Variants in GBP4 observed in about 807,000 individuals in gnomAD.
GBP4 encodes the protein guanylate-binding protein 4.
GBP4 carries 69 observed loss-of-function variants against 62.2 expected under a neutral mutation model. That is an observed-to-expected ratio of 1.11 (90% CI 0.91 to 1.36). The LOEUF (loss-of-function observed/expected upper bound fraction) is 1.36. Among genes scored for constraint, GBP4 ranks in the 40% most tolerant of loss-of-function variants. The pLI, the probability that GBP4 is intolerant of heterozygous loss-of-function variation, is 0.00. For synonymous variants in GBP4, 278 were observed against 274.6 expected (o/e 1.01, Z -0.12); for missense variants, 697 against 759.3 (o/e 0.92, Z 0.96).
At position 89,184,173 on chromosome 1, in the gene GBP4, G is replaced by A. The variant is rs1415882669; in HGVS notation, c.*1081C>T. On this transcript the variant is annotated 3_prime_UTR_variant, in exon 11 of 11. Coordinates refer to ENST00000355754, the MANE Select transcript of GBP4 (RefSeq NM_052941.5). ...CCATCTCACACCAGTCAGAATGGCT[G>A]TTACTAGAAAGTCAATAAATAACAG... 1.3e-5 allele frequency: 2 copies of A among 152,154 alleles called. No homozygotes were observed. Among genetic ancestry groups the A allele is most frequent in the African/African-American group, 4.8e-5 (2 of 41,436 alleles). 9.4% of individuals were successfully genotyped at this position (152,154 alleles called of 1,614,324 possible).
Position 89,185,574 on chromosome 1 carries a change from T to C in GBP4, c.1708-105A>G, listed in dbSNP as rs185866185. The C allele has an allele frequency of 1.4e-5, 9 of 655,500 alleles. No homozygotes were observed. The East Asian group carries it at 1.8e-4, about 13-fold the overall frequency. The allele number at this position is 655,500 out of a possible 1,614,324, so 40.6% of individuals were successfully genotyped here. ...GTTTAAGCATATGTGTCTATTTCTC[T>C]ATTATCTTAGAAAACGCTTTGATGA... is the stretch of plus-strand genomic sequence containing the variant. On this transcript the variant is annotated intron_variant, in intron 10 of 10. Transcript: ENST00000355754.
At chr1:89,196,280 T>A (rs1648339640) in intron 2 of GBP4, among the ~76,000 whole-genome samples, 1 of 152,224 alleles carries the variant, frequency 6.6e-6, no homozygotes, top group African/African-American at 2.4e-5. Context: ...ACTTATAAAC[T>A]TCTTATTGAG....
chr1:89,194,182 C>T (rs1648265826), intron 3 of GBP4, among the ~76,000 whole-genome samples: 1 of 152,152 alleles, frequency 6.6e-6, no homozygotes. Context: ...GGGCATTACA[C>T]AGTTATTTCA....
intron 8 of GBP4, 146 bp from the exon 9 acceptor site, chr1:89,187,248 C>G (rs920012883): frequency 4.6e-6 from 3 of 659,034 alleles, no homozygotes; most frequent in Non-Finnish European, 7.9e-6. Context: ...TCTTCCACAG[C>G]CACAAGAAGT....
chr1:89,182,107 T>C lies in GBP4; in HGVS notation c.*3147A>G, dbSNP rs1042385991. On this transcript the variant is annotated 3_prime_UTR_variant, in exon 11 of 11. Transcript: ENST00000355754. ...GCCGGGTTGTTTTAAGAAGCCTGTG[T>C]CCCCTGTGAAAAGGCCCATGGCATA... is the stretch of plus-strand genomic sequence containing the variant. The C allele has an allele frequency of 1.3e-5, 2 of 152,200 alleles. No individual in the cohort carries two copies. The highest frequency in any genetic ancestry group is 6.5e-5 in the Admixed American group (1 of 15,278). 9.4% of individuals were successfully genotyped at this position (152,200 alleles called of 1,614,324 possible).
At position 89,193,017 on chromosome 1, in the gene GBP4, C is replaced by T. The variant is rs1237527693; in HGVS notation, c.557G>A (p.Ser186Asn). Residue 186 changes from serine (S) to asparagine (N), a missense_variant, in exon 5 of 11, where the codon AGT becomes AAT. Physicochemically the swap from Ser to Asn is conservative, Grantham distance 46. This residue lies in a region of GBP4 where 556 missense variants were observed against 562.7 expected (regional missense o/e 0.99). Transcript: ENST00000355754. The part of the protein sequence containing the change: ...DEAEDSSEFA[S>N]FFPDFIWTVR... Reference sequence around the variant, plus strand: ...AGTCCAAATAAAGTCTGGAAAGAAACTCGCAAACTCGCTGGAGTCCTCAGC... The same window carrying T: ...AGTCCAAATAAAGTCTGGAAAGAAATTCGCAAACTCGCTGGAGTCCTCAGC... 3.1e-6 allele frequency: 5 copies of T among 1,614,192 alleles called. No homozygotes were observed. In the Admixed American group the frequency reaches 6.7e-5, roughly 22 times the overall value.
chr1:89,189,302 T>C (rs977417504), intron 7 of GBP4, among the ~76,000 whole-genome samples: 3 of 152,232 alleles, frequency 2.0e-5, no homozygotes, highest in African/African-American at 7.2e-5. Context: ...ATTTGTAAGT[T>C]ACAATCCAGT....
intron 10 of GBP4, 133 bp downstream of exon 10, chr1:89,186,200 T>G: frequency 1.3e-5 from 9 of 699,354 alleles, no homozygotes; most frequent in Non-Finnish European, 2.0e-5. Context: ...TAGATGTATT[T>G]GAGATTTTAG....
Position 89,184,370 on chromosome 1 carries a change from C to T in GBP4, c.*884G>A, listed in dbSNP as rs934578487. ...ATGCATATCCCAAGGAAATATAAAT[C>T]ATTGTACCATAAAGGCACATGCACG... On this transcript the variant is annotated 3_prime_UTR_variant, in exon 11 of 11. Transcript: ENST00000355754. 2 of 152,230 alleles carry T rather than the reference C, an allele frequency of 1.3e-5. No individual in the cohort carries two copies. The highest frequency in any genetic ancestry group is 4.8e-5 in the African/African-American group (2 of 41,460). The allele number at this position is 152,230 out of a possible 1,614,324, so 9.4% of individuals were successfully genotyped here. A position where few individuals can be genotyped will look rare whatever the true frequency, so the allele number is the denominator to read the frequency against.
Position 89,198,938 on chromosome 1 carries a change from A to T in GBP4, c.-104T>A, listed in dbSNP as rs1304267924. ...TCCAAGTAAGAGTCTGTGAGAACCG[A>T]AATTGAAAGGACATGCACTTTGTGG... On this transcript the variant is annotated 5_prime_UTR_variant, in exon 1 of 11. Transcript: ENST00000355754. The T allele has an allele frequency of 4.9e-5, 51 of 1,033,018 alleles. No homozygotes were observed. The highest frequency in any genetic ancestry group is 3.1e-6 in the Non-Finnish European group (2 of 651,388). 64.0% of individuals were successfully genotyped at this position (1,033,018 alleles called of 1,614,324 possible).
chr1:89,192,808 G>C, intron 5 of GBP4, 96 bp downstream of exon 5: 1 of 1,170,090 alleles, frequency 8.5e-7, no homozygotes, highest in South Asian at 1.6e-5. Context: ...AATCAATCCA[G>C]TCTAATGTAA....
rs1255248847 is a variant in GBP4, at chr1:89,188,773, C to A, written c.1219G>T (p.Gly407Ter). ...KLVDTIEKKK[G>*]DFVLQNEEAS... The stretch of plus-strand genomic sequence containing the variant: ...TCTTCATTCTGCAGCACAAAGTCTC[C>A]CTTCTTTTTCTCTATGGTGTCCTGC... The change falls in exon 8 of 11, where the codon GGA becomes TGA. Residue 407 changes from glycine (G) to a stop codon, truncating the protein, a stop_gained. Coordinates refer to ENST00000355754, the MANE Select transcript of GBP4 (RefSeq NM_052941.5). LOFTEE classifies it high-confidence loss of function. The A allele has an allele frequency of 6.2e-7, 1 of 1,614,088 alleles. No homozygotes were observed. The highest frequency in any genetic ancestry group is 8.5e-7 in the Non-Finnish European group (1 of 1,180,054).
At chr1:89,195,183 C>A (rs919396931) in intron 3 of GBP4, 114 bp downstream of exon 3, 3 of 1,089,574 alleles carry the variant, frequency 2.8e-6, no homozygotes, top group Non-Finnish European at 4.0e-6. Context: ...AGAATTTAGC[C>A]TCATTATTCA....
rs1647882424 is a variant in GBP4, at chr1:89,181,611, T to C, written c.*3643A>G. ...TTATATGTACTATATAAATACCCAA[T>C]AGTAGAATTGCTAGACAAAATGTAT... is the stretch of plus-strand genomic sequence containing the variant. On this transcript the variant is annotated 3_prime_UTR_variant, in exon 11 of 11. Transcript: ENST00000355754. 6.6e-6 allele frequency: 1 copy of C among 152,052 alleles called. No individual in the cohort carries two copies. Among genetic ancestry groups the C allele is most frequent in the Non-Finnish European group, 1.5e-5 (1 of 68,026 alleles). 9.4% of individuals were successfully genotyped at this position (152,052 alleles called of 1,614,324 possible).
chr1:89,192,434 G>A (rs1648212188), intron 5 of GBP4, among the ~76,000 whole-genome samples: 1 of 152,040 alleles, frequency 6.6e-6, no homozygotes, highest in African/African-American at 2.4e-5. Flanking sequence ...TCTAAAGGAT[G>A]TAACTATCCA....
Position 89,181,551 on chromosome 1 carries a change from ATAAG to A in GBP4, c.*3699_*3702del, listed in dbSNP as rs1474882160. On this transcript the variant is annotated 3_prime_UTR_variant, in exon 11 of 11. Coordinates refer to ENST00000355754, the MANE Select transcript of GBP4 (RefSeq NM_052941.5). ...TAGATATAAAATATATTTACTAACT[ATAAG>A]TATATATTTACTAAACATATACATT... 1 of 152,048 alleles carries A rather than the reference ATAAG, an allele frequency of 6.6e-6. No individual in the cohort carries two copies. The highest frequency in any genetic ancestry group is 2.4e-5 in the African/African-American group (1 of 41,410). 9.4% of individuals were successfully genotyped at this position (152,048 alleles called of 1,614,324 possible).
At position 89,188,680 on chromosome 1, in the gene GBP4, T is replaced by A; in HGVS notation, c.1312A>T (p.Arg438Ter). The change falls in exon 8 of 11, where the codon AGA (arginine) becomes TGA (stop). Residue 438 changes from arginine to a stop codon, truncating the protein, a stop_gained. Coordinates refer to ENST00000355754, the MANE Select transcript of GBP4 (RefSeq NM_052941.5). LOFTEE classifies it high-confidence loss of function. ...LSEHLTESIL[R>*]GIFSVPGGHN... ...CCTCCAGGAACAGAGAAAATTCCTC[T>A]CAAAATGCTTTCTGTCAGGTGCTCT... The A allele has an allele frequency of 6.2e-7, 1 of 1,614,240 alleles. No individual in the cohort carries two copies. Among genetic ancestry groups the A allele is most frequent in the Non-Finnish European group, 8.5e-7 (1 of 1,180,046 alleles).
chr1:89,191,230 C>A (rs1265789073), intron 6 of GBP4, 31 bp downstream of exon 6: 2 of 1,604,844 alleles, frequency 1.2e-6, no homozygotes, highest in African/African-American at 2.7e-5. Flanking sequence ...GGACCACAGA[C>A]AGACATGCTT....
rs1648192233 is a variant in GBP4 at position 89,191,642 on chromosome 1, G to C, written c.671-136C>G. On this transcript the variant is annotated intron_variant, in intron 5 of 10. Coordinates refer to ENST00000355754, the MANE Select transcript of GBP4 (RefSeq NM_052941.5). ...TTGTTTTATGCAATCATACAAAACA[G>C]CCTTGTGCTAATCCAATGAAGGCAT... 6.9e-6 allele frequency: 6 copies of C among 867,874 alleles called. No individual in the cohort carries two copies. In the East Asian group the frequency reaches 1.1e-4, roughly 15 times the overall value. The allele number at this position is 867,874 out of a possible 1,614,324, so 53.8% of individuals were successfully genotyped here. A position where few individuals can be genotyped will look rare whatever the true frequency, so the allele number is the denominator to read the frequency against.
Sources: allele counts gnomAD v4.1 joint callset (sites outside exome capture counted in the v4.1 genomes callset), GRCh38; gene constraint gnomAD v4.1.1; regional missense constraint gnomAD v4.1.1; transcripts MANE v1.5; gene names NCBI Gene and HGNC (gene_info 2026-07-23, HGNC 2026-07-21).